DNAH17: variants seen among roughly 807,000 people sequenced by gnomAD.
DNAH17 encodes dynein axonemal heavy chain 17, also known as axonemal beta dynein heavy chain 17.
DNAH17 carries 376 observed loss-of-function variants against 485.6 expected under a neutral mutation model. That is an observed-to-expected ratio of 0.77 (90% CI 0.71 to 0.84). The LOEUF (loss-of-function observed/expected upper bound fraction) is 0.84, where lower values mean the gene tolerates loss of function less well. Among genes scored for constraint, DNAH17 ranks in the 40% least tolerant of loss-of-function variants. DNAH17 has a pLI of 0.00. For synonymous variants in DNAH17, 3,031 were observed against 2,405.9 expected, an observed-to-expected ratio of 1.26 and a Z score of -7.60; for missense variants, 6,370 against 5,839.3, an observed-to-expected ratio of 1.09 and a Z score of -2.96.
chr17:78,531,559 C>T (rs1027205779), intron 20 of DNAH17, among the ~76,000 whole-genome samples: 20 of 151,928 alleles, frequency 1.3e-4, no homozygotes, highest in Admixed American at 2.0e-4. Flanking sequence ...AGGATGGTCT[C>T]GATCTCCTGA....
At chr17:78,517,438 C>G (rs957077638) in intron 25 of DNAH17, among the ~76,000 whole-genome samples, 1 of 151,448 alleles carries the variant, frequency 6.6e-6, no homozygotes, top group Non-Finnish European at 1.5e-5. Flanking sequence ...AAGGCAGAAA[C>G]CAACATATGC....
chr17:78,525,089 G>C lies in DNAH17; in HGVS notation c.3784C>G (p.Pro1262Ala), dbSNP rs1326422169. 1 of 1,613,814 alleles carries C rather than the reference G, an allele frequency of 6.2e-7. No individual in the cohort carries two copies. The highest frequency in any genetic ancestry group is 1.1e-5 in the South Asian group (1 of 91,082). The change falls in exon 25 of 81, where the codon CCC (proline) becomes GCC (alanine). Residue 1262 changes from proline (P) to alanine (A), a missense_variant. Coordinates refer to ENST00000389840, the MANE Select transcript of DNAH17 (RefSeq NM_173628.4). ...TTGAGCTGCTTGTAGTCTGGGACGGGGACCTCGAACAGGCCCCCGGACTTG... is the reference window on the plus strand; with the variant it reads ...TTGAGCTGCTTGTAGTCTGGGACGGCGACCTCGAACAGGCCCCCGGACTTG... ...LSKSGGLFEV[P>A]VPDYKQLKAC...
chr17:78,461,027 G>C (rs1418944128), intron 58 of DNAH17, among the ~76,000 whole-genome samples: 1 of 152,004 alleles, frequency 6.6e-6, no homozygotes, highest in African/African-American at 2.4e-5. Flanking sequence ...CTCCAAAGAT[G>C]ATGAAGACGC....
At chr17:78,561,137 G>T (rs1454983823) in intron 12 of DNAH17, among the ~76,000 whole-genome samples, 1 of 152,090 alleles carries the variant, frequency 6.6e-6, no homozygotes. Flanking sequence ...GCAGCCACCA[G>T]CCCAGGAGGC....
chr17:78,494,773 C>T lies in DNAH17; in HGVS notation c.6090G>A (p.Val2030=). ...GLRAIKSVLV[V]AGSLKRGDPS... ...GGTCGCCCCTCTTCAGGGAGCCGGC[C>T]ACCACCAGCACAGACTTGATGGCTC... Residue 2030 remains valine, a synonymous_variant, in exon 40 of 81, where the codon GTG becomes GTA. Transcript: ENST00000389840. 6.2e-7 allele frequency: 1 copy of T among 1,613,248 alleles called. No individual in the cohort carries two copies. The highest frequency in any genetic ancestry group is 8.5e-7 in the Non-Finnish European group (1 of 1,179,646).
At chr17:78,492,316 G>A (rs1299929847) in intron 42 of DNAH17, among the ~76,000 whole-genome samples, 1 of 110,230 alleles carries the variant, frequency 9.1e-6, no homozygotes, top group East Asian at 2.7e-4. Flanking sequence ...CAGCCTGCAT[G>A]TCTGGGCTCC....
Position 78,529,528 on chromosome 17 carries a change from C to T in DNAH17, c.3451G>A (p.Glu1151Lys), listed in dbSNP as rs771973865. The T allele has an allele frequency of 8.1e-6, 13 of 1,613,916 alleles. No homozygotes were observed. The highest frequency in any genetic ancestry group is 1.1e-5 in the South Asian group (1 of 91,068). Residue 1151 changes from glutamate (E) to lysine (K), a missense_variant, in exon 22 of 81, where the codon GAG (glutamate) becomes AAG (lysine). Glu to Lys is a moderately conservative substitution (Grantham distance 56, BLOSUM62 1). Transcript: ENST00000389840. The part of the protein sequence containing the change: ...NMFEPLKQTI[E>K]LLKTYGEEMP... ...TCCTCCCCGTAGGTCTTGAGCAGCT[C>T]GATGGTTTGCTTCAGGGGCTCAAAC...
intron 16 of DNAH17, among the ~76,000 whole-genome samples, chr17:78,544,764 C>A (rs11652045): frequency 0.2 from 29,028 of 143,458 alleles, 3,893 homozygotes; most frequent in Non-Finnish European, 0.28. Flanking sequence ...TCACGCCACT[C>A]CACTCCAGCC....
chr17:78,447,098 C>T (rs1022695102), intron 69 of DNAH17, among the ~76,000 whole-genome samples: 1 of 152,130 alleles, frequency 6.6e-6, no homozygotes, highest in Non-Finnish European at 1.5e-5. Flanking sequence ...ATCACCTCAC[C>T]TAGCTATTTT....
At chr17:78,529,255 G>A (rs909183599) in intron 22 of DNAH17, among the ~76,000 whole-genome samples, 13 of 152,046 alleles carry the variant, frequency 8.6e-5, no homozygotes, top group African/African-American at 2.7e-4. Flanking sequence ...CCAATGGAAC[G>A]GAGGGAGCAC....
rs964519354 is a variant in DNAH17 at position 78,461,465 on chromosome 17, C to T, written c.9339+79G>A. ...GCCTTTCCCACGCCTGTCGGTGGCA[C>T]CTGACCACACGTGGAAGCCCAGGAG... On this transcript the variant is annotated intron_variant, in intron 58 of 80. Transcript: ENST00000389840. 6.5e-6 allele frequency: 9 copies of T among 1,388,698 alleles called. No individual in the cohort carries two copies. In the African/African-American group the frequency reaches 1.0e-4, roughly 16 times the overall value. 86.0% of individuals were successfully genotyped at this position (1,388,698 alleles called of 1,614,324 possible).
chr17:78,424,313 T>C, intron 80 of DNAH17, 160 bp from the exon 81 acceptor site: 1 of 835,878 alleles, frequency 1.2e-6, no homozygotes, highest in Non-Finnish European at 1.8e-6. Flanking sequence ...GAGGCCTTCG[T>C]AGGTGATGGC....
chr17:78,479,685 G>A (rs1401672442), intron 49 of DNAH17, 53 bp from the exon 50 acceptor site: 1 of 1,603,598 alleles, frequency 6.2e-7, no homozygotes, highest in Non-Finnish European at 8.5e-7. Flanking sequence ...GGACCTGCCT[G>A]GGGCCAGGGC....
chr17:78,537,574 T>C (rs1315556934), intron 18 of DNAH17, 93 bp from the exon 19 acceptor site: 1 of 1,366,278 alleles, frequency 7.3e-7, no homozygotes. Flanking sequence ...ACCATCAATG[T>C]GTCACTGCCT....
chr17:78,480,345 C>T (rs1029625373), intron 49 of DNAH17, among the ~76,000 whole-genome samples: 1 of 151,130 alleles, frequency 6.6e-6, no homozygotes, highest in Non-Finnish European at 1.5e-5. Context: ...TGAGACTCAG[C>T]CTCAAAACAA....
At chr17:78,433,908 A>C (rs942710809) in intron 75 of DNAH17, 121 bp downstream of exon 75, 1 of 561,920 alleles carries the variant, frequency 1.8e-6, no homozygotes, top group Non-Finnish European at 2.4e-6. Flanking sequence ...CAAAGACCAA[A>C]AGGAAAGGGA....
Position 78,507,578 on chromosome 17 carries a change from G to A in DNAH17, c.4464C>T (p.Ile1488=), listed in dbSNP as rs763178708. 17 of 1,614,044 alleles carry A rather than the reference G, an allele frequency of 1.1e-5. No homozygotes were observed. In the Admixed American group the frequency reaches 2.5e-4, roughly 24 times the overall value. ...TCCAGGTTCGCTGGACCTCAAACCA[G>A]ATGGAGATGACGGAGTCCGCCGTGG... The part of the protein sequence containing the change: ...KLSTADSVIS[I]WFEVQRTWSH... The change falls in exon 28 of 81, where the codon ATC becomes ATT. Residue 1488 remains isoleucine (I), a synonymous_variant. Transcript: ENST00000389840.
rs55956766 is a variant in DNAH17 at position 78,557,418 on chromosome 17, G to C, written c.2178+690C>G. On this transcript the variant is annotated intron_variant, in intron 14 of 80. Transcript: ENST00000389840. ...AAATCACCTAAGGTCAAGAGTTCGA[G>C]ACCAGCCTGGCCAATGTGGTGAAAC... Among the ~76,000 whole-genome samples the C allele has an allele frequency of 7.5e-3, 1,143 of 152,056 alleles. 5 individuals carry two copies. Among genetic ancestry groups the C allele is most frequent in the Non-Finnish European group, 0.012 (802 of 67,968 alleles).
At position 78,551,534 on chromosome 17, in the gene DNAH17, C is replaced by T; in HGVS notation, c.2391+1G>A. On this transcript the variant is annotated splice_donor_variant, in intron 16 of 80. Transcript: ENST00000389840. LOFTEE classifies it high-confidence loss of function. ...CACTCTGTGCTCTGCCCCTTGCTTA[C>T]CTTCATAGCCTGGGAAATTCCTTCT... is the stretch of plus-strand genomic sequence containing the variant. 6.2e-7 allele frequency: 1 copy of T among 1,613,874 alleles called. No individual in the cohort carries two copies. The highest frequency in any genetic ancestry group is 8.5e-7 in the Non-Finnish European group (1 of 1,179,726).
Sources: gnomAD v4.1 joint callset for allele counts (sites outside exome capture counted in the v4.1 genomes callset) on GRCh38, gnomAD v4.1.1 for gene constraint, MANE v1.5 for transcripts, NCBI Gene and HGNC (gene_info 2026-07-23, HGNC 2026-07-21) for gene names.